Variants in LARP4B observed in about 807,000 individuals in gnomAD.
The protein encoded by LARP4B is La ribonucleoprotein 4B.
A neutral mutation model predicts 89.8 loss-of-function variants in LARP4B; 12 were observed. The observed-to-expected ratio is 0.13, with a 90% CI of 0.09 to 0.22. LARP4B has a LOEUF of 0.22. LARP4B is among the 10% of genes least tolerant of loss of function. The pLI, the probability that LARP4B is intolerant of heterozygous loss-of-function variation, is 1.00. For synonymous variants in LARP4B, 367 were observed against 363.3 expected, an observed-to-expected ratio of 1.01 and a Z score of -0.12; for missense variants, 757 against 947.7, an observed-to-expected ratio of 0.80 and a Z score of 2.64.
At chr10:870,925 G>A (rs771489574) in intron 3 of LARP4B, among the ~76,000 whole-genome samples, 21 of 152,274 alleles carry the variant, frequency 1.4e-4, no homozygotes, top group Middle Eastern at 3.4e-3. Context: ...ATTTGCAGTC[G>A]TATACTCGGT....
At chr10:884,944 T>C (rs970161866) in intron 2 of LARP4B, among the ~76,000 whole-genome samples, 1 of 152,242 alleles carries the variant, frequency 6.6e-6, no homozygotes, top group African/African-American at 2.4e-5. Flanking sequence ...TCTAGAGCTA[T>C]AACAATTTTG....
At chr10:884,235 C>G (rs1463476800) in intron 3 of LARP4B, among the ~76,000 whole-genome samples, 1 of 152,116 alleles carries the variant, frequency 6.6e-6, no homozygotes, top group African/African-American at 2.4e-5. Flanking sequence ...GAACTGCACA[C>G]AAAACAGACA....
intron 8 of LARP4B, among the ~76,000 whole-genome samples, chr10:835,550 C>T (rs973131861): frequency 1.3e-5 from 2 of 152,214 alleles, no homozygotes; most frequent in Non-Finnish European, 2.9e-5. Context: ...ACCTCATGAT[C>T]TCAAGGTGTG....
chr10:928,967 T>C (rs1189995104), intron 1 of LARP4B, among the ~76,000 whole-genome samples: 1 of 152,246 alleles, frequency 6.6e-6, no homozygotes, highest in Non-Finnish European at 1.5e-5. Flanking sequence ...TGCTTACTTA[T>C]GGAAATTGCA....
chr10:972,296 G>A, the LARP4B span: 1 of 356,998 alleles, frequency 2.8e-6, no homozygotes, highest in South Asian at 2.1e-5. Flanking sequence ...CCAAAGTGCT[G>A]GGATTAGAGG....
chr10:986,680 C>T, the LARP4B span: 7 of 152,282 alleles, frequency 4.6e-5, no homozygotes, highest in Admixed American at 4.6e-4. Flanking sequence ...TGGCTCATGC[C>T]TGTAATCTCT....
chr10:918,247 G>C (rs750027519), intron 1 of LARP4B, among the ~76,000 whole-genome samples: 2 of 152,132 alleles, frequency 1.3e-5, no homozygotes, highest in Non-Finnish European at 2.9e-5. Context: ...GAGCAACTTG[G>C]TCTATGCTCC....
At chr10:838,329 G>C (rs981575744) in intron 7 of LARP4B, among the ~76,000 whole-genome samples, 2 of 152,176 alleles carry the variant, frequency 1.3e-5, no homozygotes, top group Non-Finnish European at 2.9e-5. Context: ...AACAGGATGA[G>C]AAGCCATTGA....
At chr10:962,387 G>A in the LARP4B span, among the ~76,000 whole-genome samples, 2 of 151,930 alleles carry the variant, frequency 1.3e-5, no homozygotes, top group Admixed American at 1.3e-4. Flanking sequence ...CCCTCATATA[G>A]GCCCTGTCTG....
At chr10:880,640 C>A (rs997974139) in intron 3 of LARP4B, among the ~76,000 whole-genome samples, 2 of 151,710 alleles carry the variant, frequency 1.3e-5, no homozygotes, top group African/African-American at 4.8e-5. Flanking sequence ...GAGCAGAGAT[C>A]GCACTACTGC....
intron 5 of LARP4B, among the ~76,000 whole-genome samples, chr10:848,849 C>T (rs958409927): frequency 6.6e-6 from 1 of 152,106 alleles, no homozygotes; most frequent in South Asian, 2.1e-4. Context: ...GTAGAGAGCA[C>T]CAGAAACCGC....
chr10:941,351 G>A, the LARP4B span, among the ~76,000 whole-genome samples: 1 of 151,908 alleles, frequency 6.6e-6, no homozygotes, highest in Non-Finnish European at 1.5e-5. Flanking sequence ...TTTCACTCTT[G>A]TCGCCCAGGC....
intron 15 of LARP4B, among the ~76,000 whole-genome samples, chr10:816,903 G>A (rs1832091475): frequency 6.6e-6 from 1 of 152,128 alleles, no homozygotes; most frequent in African/African-American, 2.4e-5. Context: ...AGCCCAGGGT[G>A]GAAGAGACAC....
At chr10:873,639 G>C (rs1328001784) in intron 3 of LARP4B, among the ~76,000 whole-genome samples, 2 of 152,050 alleles carry the variant, frequency 1.3e-5, no homozygotes, top group Non-Finnish European at 2.9e-5. Flanking sequence ...TAATTTTCTA[G>C]CTTTACGAAA....
intron 5 of LARP4B, among the ~76,000 whole-genome samples, chr10:861,249 C>T (rs1834602009): frequency 6.6e-6 from 1 of 152,114 alleles, no homozygotes; most frequent in African/African-American, 2.4e-5. Context: ...CTTGATTGTG[C>T]TGAGGATTTT....
chr10:876,214 C>T (rs975433441), intron 3 of LARP4B, among the ~76,000 whole-genome samples: 5 of 151,984 alleles, frequency 3.3e-5, no homozygotes, highest in East Asian at 1.9e-4. Context: ...GGAGAAACCC[C>T]GTCTCTACTA....
chr10:912,945 G>A (rs1836711313), intron 1 of LARP4B, among the ~76,000 whole-genome samples: 1 of 151,996 alleles, frequency 6.6e-6, no homozygotes, highest in East Asian at 1.9e-4. Context: ...CATCTGTAAG[G>A]GCATCTCCCT....
intron 1 of LARP4B, among the ~76,000 whole-genome samples, chr10:906,528 T>C (rs1054446170): frequency 1.3e-5 from 2 of 152,172 alleles, no homozygotes; most frequent in African/African-American, 2.4e-5. Context: ...ACAGACAGCG[T>C]TGATCCTGGT....
chr10:918,097 G>A lies in LARP4B; in HGVS notation c.-40+13331C>T, dbSNP rs375790550. Among the ~76,000 whole-genome samples, 42 of 152,238 alleles carry A rather than the reference G, an allele frequency of 2.8e-4. 1 individual carries two copies. In the South Asian group the frequency reaches 8.3e-3, roughly 30 times the overall value. ...TGTTTTACCTCTAAGAAAACCAAAA[G>A]CATGAAATTCAAAGACTACAGAAGA... On this transcript the variant is annotated intron_variant, in intron 1 of 17. Transcript: ENST00000316157.
Sources: allele counts gnomAD v4.1 joint callset (sites outside exome capture counted in the v4.1 genomes callset), GRCh38; gene constraint gnomAD v4.1.1; transcripts MANE v1.5; gene names NCBI Gene and HGNC (gene_info 2026-07-23, HGNC 2026-07-21).